Variants in FDXR observed in about 807,000 individuals in gnomAD.
The protein encoded by FDXR is NADPH:adrenodoxin oxidoreductase, mitochondrial.
A neutral mutation model predicts 58.3 loss-of-function variants in FDXR; 38 were observed. That is an observed-to-expected ratio of 0.65 (90% CI 0.50 to 0.85). The LOEUF (loss-of-function observed/expected upper bound fraction) is 0.85. Ranked by LOEUF, FDXR falls within the 40% of genes least tolerant of loss-of-function variation. The pLI, the probability that FDXR is intolerant of heterozygous loss-of-function variation, is 0.00. For synonymous variants in FDXR, 275 were observed against 273.8 expected, an observed-to-expected ratio of 1.00 and a Z score of -0.04; for missense variants, 624 against 671.0, an observed-to-expected ratio of 0.93 and a Z score of 0.77.
rs2038149029 is a variant in FDXR at position 74,865,657 on chromosome 17, AG to A, written c.609+61del. On this transcript the variant is annotated intron_variant, in intron 6 of 11. Transcript: ENST00000293195. ...AGGTAAGGCCTGAACCCTGCAGACA[AG>A]GGCACTCTCTCCTCAGGGTGACCCC... 6 of 1,157,292 alleles carry A rather than the reference AG, an allele frequency of 5.2e-6. No homozygotes were observed. In the South Asian group the frequency reaches 7.8e-5, roughly 15 times the overall value. 71.7% of individuals were successfully genotyped at this position (1,157,292 alleles called of 1,614,324 possible).
At chr17:74,872,185 G>C in intron 1 of FDXR, 52 bp from the exon 2 acceptor site, 1 of 1,582,960 alleles carries the variant, frequency 6.3e-7, no homozygotes, top group Non-Finnish European at 8.6e-7. Context: ...TCTCTCCCCA[G>C]TCCCAAACCA....
intron 1 of FDXR, 112 bp from the exon 2 acceptor site, chr17:74,872,245 G>A: frequency 6.5e-7 from 1 of 1,542,938 alleles, no homozygotes; most frequent in South Asian, 1.2e-5. Context: ...ACCCTCACCT[G>A]CATCCTCCTT....
At chr17:74,864,696 G>T (rs891340953) in intron 7 of FDXR, 128 bp downstream of exon 7, 1 of 1,456,400 alleles carries the variant, frequency 6.9e-7, no homozygotes, top group Admixed American at 1.9e-5. Flanking sequence ...GGGCCCCCGG[G>T]GCCCTGACTG....
At chr17:74,865,984 C>T in intron 5 of FDXR, 147 bp downstream of exon 5, 2 of 832,558 alleles carry the variant, frequency 2.4e-6, no homozygotes, top group Non-Finnish European at 3.9e-6. Flanking sequence ...CAGCTCTCCC[C>T]CGAGGCCCTC....
chr17:74,865,763 G>C lies in FDXR; in HGVS notation c.565C>G (p.Leu189Val). The change falls in exon 6 of 12, where the codon CTG (leucine) becomes GTG (valine). Residue 189 changes from leucine (L) to valine (V), a missense_variant. Leu to Val is a conservative substitution (Grantham distance 32). Transcript: ENST00000293195. Reference protein sequence around the residue: ...AVILGQGNVALDVARILLTPP... With the variant: ...AVILGQGNVAVDVARILLTPP... ...GTCAGTAGGATGCGGGCCACGTCCA[G>C]AGCCACGTTCCCCTGCCCCAGAATC... 1.9e-6 allele frequency: 3 copies of C among 1,613,618 alleles called. No homozygotes were observed. Among genetic ancestry groups the C allele is most frequent in the Non-Finnish European group, 2.5e-6 (3 of 1,179,956 alleles).
At chr17:74,871,198 T>C (rs35037322) in intron 2 of FDXR, among the ~76,000 whole-genome samples, 6,776 of 152,274 alleles carry the variant, frequency 0.044, 475 homozygotes, top group African/African-American at 0.15. Context: ...CTGGGAAGCA[T>C]GCACGGGTCA....
At chr17:74,865,650 G>A (rs2038148650) in intron 6 of FDXR, 69 bp downstream of exon 6, 1 of 1,091,532 alleles carries the variant, frequency 9.2e-7, no homozygotes, top group Non-Finnish European at 1.4e-6. Flanking sequence ...CCTGAACCCT[G>A]CAGACAAGGG....
chr17:74,872,665 C>T (rs957112258), intron 1 of FDXR: 25 of 1,199,986 alleles, frequency 2.1e-5, no homozygotes, highest in Non-Finnish European at 2.7e-5. Context: ...CTTTGTTGAC[C>T]TCCGTCTCTA....
At chr17:74,871,185 T>G (rs2038364335) in intron 2 of FDXR, among the ~76,000 whole-genome samples, 1 of 152,206 alleles carries the variant, frequency 6.6e-6, no homozygotes. Context: ...TCACCCGTGT[T>G]GCCTGGGAAG....
Position 74,872,375 on chromosome 17 carries a change from G to A in FDXR, c.80-242C>T, listed in dbSNP as rs2038402355. ...TGAACCTACTACACCACTGCCAATG[G>A]CCTGCCCAACAACACTTCATTCCCT... On this transcript the variant is annotated intron_variant, in intron 1 of 11. Transcript: ENST00000293195. The A allele has an allele frequency of 4.7e-6, 5 of 1,055,150 alleles. No individual in the cohort carries two copies. In the East Asian group the frequency reaches 1.3e-4, roughly 28 times the overall value. 65.4% of individuals were successfully genotyped at this position (1,055,150 alleles called of 1,614,324 possible).
rs752410856 is a variant in FDXR, at chr17:74,864,170, C to T, written c.980G>A (p.Arg327His). ...SPDGRRAAGVRLAVTRLEGVD... is the reference protein window; with the variant it reads ...SPDGRRAAGVHLAVTRLEGVD... ...CACCTCCAGTCTAGTGACTGCTAGG[C>T]GGACACCTGCTGCCCGCCGCCCATC... Residue 327 changes from arginine to histidine, a missense_variant, in exon 9 of 12, where the codon CGC becomes CAC. Arg to His is a conservative substitution (Grantham distance 29). Coordinates refer to ENST00000293195, the MANE Select transcript of FDXR (RefSeq NM_024417.5). 2.2e-5 allele frequency: 36 copies of T among 1,612,618 alleles called. No homozygotes were observed. The highest frequency in any genetic ancestry group is 2.7e-5 in the African/African-American group (2 of 74,914).
chr17:74,864,418 T>A, intron 8 of FDXR, 62 bp downstream of exon 8: 1 of 1,606,768 alleles, frequency 6.2e-7, no homozygotes, highest in Non-Finnish European at 8.5e-7. Flanking sequence ...CCTTCCCCAA[T>A]CCCTCTCTGA....
chr17:74,862,721 G>A lies in FDXR; in HGVS notation c.*96C>T, dbSNP rs2038007199. Reference sequence around the variant, plus strand: ...AAGCCTCCAAGCCAGGGCCGGCCGGGATCAGCAGAGGTGCAAAGTCCCACT... The same window carrying A: ...AAGCCTCCAAGCCAGGGCCGGCCGGAATCAGCAGAGGTGCAAAGTCCCACT... On this transcript the variant is annotated 3_prime_UTR_variant, in exon 12 of 12. Transcript: ENST00000293195. The A allele has an allele frequency of 1.4e-6, 2 of 1,464,170 alleles. No homozygotes were observed. The highest frequency in any genetic ancestry group is 1.4e-5 in the South Asian group (1 of 73,812). The allele number at this position is 1,464,170 out of a possible 1,614,324, so 90.7% of individuals were successfully genotyped here.
intron 10 of FDXR, among the ~76,000 whole-genome samples, chr17:74,863,520 C>A (rs912700015): frequency 1.1e-4 from 17 of 152,204 alleles, no homozygotes; most frequent in African/African-American, 3.9e-4. Flanking sequence ...TTTCAGTAGG[C>A]CCTTGGTAAA....
chr17:74,872,945 G>A lies in FDXR; in HGVS notation c.-1C>T, dbSNP rs1355164044. 3 of 1,554,840 alleles carry A rather than the reference G, an allele frequency of 1.9e-6. No individual in the cohort carries two copies. The highest frequency in any genetic ancestry group is 2.6e-6 in the Non-Finnish European group (3 of 1,149,652). ...ACCAGCGCCAGCAGCGCGAAGCCAT[G>A]GCTGGGAGCAGCAACCTGCAAGTGG... On this transcript the variant is annotated 5_prime_UTR_variant, in exon 1 of 12. Transcript: ENST00000293195.
intron 7 of FDXR, 77 bp from the exon 8 acceptor site, chr17:74,864,641 G>C: frequency 6.8e-7 from 1 of 1,477,018 alleles, no homozygotes; most frequent in East Asian, 2.4e-5. Context: ...CCAGGGTCCA[G>C]CCCAGGCAGG....
In FDXR at chr17:74,864,694, G is replaced by A. The variant is rs190983508; in HGVS notation, c.717+130C>T. ...TCCTCCCCAAAGGCACAGGGCCCCC[G>A]GGGCCCTGACTGCTCCCCTTCTTCC... On this transcript the variant is annotated intron_variant, in intron 7 of 11. Coordinates refer to ENST00000293195, the MANE Select transcript of FDXR (RefSeq NM_024417.5). 886 of 1,453,624 alleles carry A rather than the reference G, an allele frequency of 6.1e-4. 1 individual carries two copies. The highest frequency in any genetic ancestry group is 7.8e-4 in the Non-Finnish European group (823 of 1,054,946). The allele number at this position is 1,453,624 out of a possible 1,614,324, so 90.0% of individuals were successfully genotyped here.
chr17:74,868,664 C>A (rs921144665), intron 2 of FDXR: 1 of 1,534,936 alleles, frequency 6.5e-7, no homozygotes, highest in African/African-American at 1.4e-5. Flanking sequence ...CCTTATCTCT[C>A]GTGGCTGACC....
chr17:74,864,956 G>A (rs1205339387), intron 6 of FDXR, 25 bp from the exon 7 acceptor site: 1 of 1,614,022 alleles, frequency 6.2e-7, no homozygotes, highest in East Asian at 2.2e-5. Context: ...GGGCCTTGGA[G>A]TCATCAGACA....
Sources: gnomAD v4.1 joint callset for allele counts (sites outside exome capture counted in the v4.1 genomes callset) on GRCh38, gnomAD v4.1.1 for gene constraint, MANE v1.5 for transcripts, NCBI Gene and HGNC (gene_info 2026-07-23, HGNC 2026-07-21) for gene names.